The following CTNND2 variants were observed in gnomAD, a reference collection of about 807,000 sequenced individuals.
CTNND2 encodes the protein catenin delta 2.
In CTNND2, 22 loss-of-function variants were observed where a neutral mutation model predicts 144.4. That is an observed-to-expected ratio of 0.15 (90% CI 0.11 to 0.22). The LOEUF (loss-of-function observed/expected upper bound fraction) is 0.22. Among genes scored for constraint, CTNND2 ranks in the 10% least tolerant of loss-of-function variants. The pLI, the probability that CTNND2 is intolerant of heterozygous loss-of-function variation, is 1.00. For missense variants in CTNND2, 1,353 were observed against 1,618.8 expected (o/e 0.84, Z 2.82); for synonymous variants, 751 against 695.6 (o/e 1.08, Z -1.25).
intron 12 of CTNND2, among the ~76,000 whole-genome samples, chr5:11,131,790 A>G (rs1379801689): frequency 2.0e-5 from 3 of 151,138 alleles, no homozygotes; most frequent in African/African-American, 7.3e-5. Context: ...CTGCGTCTCA[A>G]AAAAAAAAAC....
chr5:11,314,270 A>T (rs1010541266), intron 9 of CTNND2, among the ~76,000 whole-genome samples: 1 of 151,980 alleles, frequency 6.6e-6, no homozygotes, highest in Non-Finnish European at 1.5e-5. Context: ...TTCTTTCCTA[A>T]AGTCTGGAAA....
In CTNND2 at chr5:11,477,267, T is replaced by C. The variant is rs185696061; in HGVS notation, c.288-65198A>G. Among the ~76,000 whole-genome samples the C allele has an allele frequency of 5.2e-4, 79 of 152,332 alleles. 1 individual carries two copies. Among genetic ancestry groups the C allele is most frequent in the African/African-American group, 1.8e-3 (73 of 41,574 alleles). On this transcript the variant is annotated intron_variant, in intron 3 of 21. Transcript: ENST00000304623. ...CCTATTCTTAGAAAAGCAACTTTTT[T>C]TGTTTTGTTTTTGTTTTTTTAACAA...
intron 15 of CTNND2, among the ~76,000 whole-genome samples, chr5:11,091,896 G>C (rs2149654252): frequency 6.6e-6 from 1 of 152,280 alleles, no homozygotes; most frequent in South Asian, 2.1e-4. Context: ...GTTCTCTGTT[G>C]AATATTTAAG....
At chr5:11,254,454 T>C (rs1744005569) in intron 9 of CTNND2, among the ~76,000 whole-genome samples, 1 of 152,154 alleles carries the variant, frequency 6.6e-6, no homozygotes, top group Non-Finnish European at 1.5e-5. Flanking sequence ...GTTCCTACCT[T>C]GCACAATAGA....
chr5:11,365,301 G>A (rs1404970217), intron 7 of CTNND2, among the ~76,000 whole-genome samples: 2 of 152,174 alleles, frequency 1.3e-5, no homozygotes, highest in Non-Finnish European at 2.9e-5. Context: ...GAGCCACAAT[G>A]GCAAAGCCAT....
At chr5:11,321,769 G>A (rs750750485) in intron 9 of CTNND2, among the ~76,000 whole-genome samples, 1 of 151,880 alleles carries the variant, frequency 6.6e-6, no homozygotes, top group Admixed American at 6.6e-5. Flanking sequence ...ACACACTAAC[G>A]TAATGAACAT....
intron 1 of CTNND2, among the ~76,000 whole-genome samples, chr5:11,862,003 T>C (rs1270048684): frequency 6.6e-6 from 1 of 152,206 alleles, no homozygotes; most frequent in African/African-American, 2.4e-5. Flanking sequence ...AATGCCCCTA[T>C]CATTTTGTGC....
chr5:11,078,735 G>C (rs777948994), intron 16 of CTNND2, among the ~76,000 whole-genome samples: 5 of 152,058 alleles, frequency 3.3e-5, no homozygotes, highest in Non-Finnish European at 5.9e-5. Flanking sequence ...GGATTTTATT[G>C]GGAATCCCAG....
chr5:11,123,506 C>T (rs927608858), intron 12 of CTNND2, among the ~76,000 whole-genome samples: 2 of 152,222 alleles, frequency 1.3e-5, no homozygotes, highest in Non-Finnish European at 2.9e-5. Context: ...CCACAAGGCA[C>T]ACCAACTGTT....
At chr5:11,439,769 TATC>T (rs1278743142) in intron 3 of CTNND2, among the ~76,000 whole-genome samples, 2 of 151,472 alleles carry the variant, frequency 1.3e-5, no homozygotes, top group African/African-American at 2.4e-5. Context: ...TCTATCTATC[TATC>T]TATCTATCTA....
intron 2 of CTNND2, among the ~76,000 whole-genome samples, chr5:11,584,373 C>G (rs1778664234): frequency 6.8e-6 from 1 of 147,440 alleles, no homozygotes; most frequent in African/African-American, 2.5e-5. Flanking sequence ...GACAGTTGAC[C>G]AACACTTAAA....
intron 8 of CTNND2, among the ~76,000 whole-genome samples, chr5:11,362,823 A>G (rs1424221263): frequency 2.0e-5 from 3 of 152,226 alleles, no homozygotes; most frequent in Non-Finnish European, 2.9e-5. Context: ...TTGGAGCAGG[A>G]GACGACAAAT....
chr5:11,876,503 T>C (rs2127062253), intron 1 of CTNND2, among the ~76,000 whole-genome samples: 1 of 152,258 alleles, frequency 6.6e-6, no homozygotes, highest in African/African-American at 2.4e-5. Flanking sequence ...TATAATCATA[T>C]TCGCAACAAA....
At chr5:11,115,474 G>C (rs1321832165) in intron 13 of CTNND2, among the ~76,000 whole-genome samples, 1 of 152,194 alleles carries the variant, frequency 6.6e-6, no homozygotes, top group Non-Finnish European at 1.5e-5. Flanking sequence ...GCTGAGCATT[G>C]CCGCTTCAGT....
chr5:11,528,789 C>T (rs535420782), intron 3 of CTNND2, among the ~76,000 whole-genome samples: 1 of 152,250 alleles, frequency 6.6e-6, no homozygotes, highest in East Asian at 1.9e-4. Flanking sequence ...CTAGCTCTGA[C>T]AGAAGAAGGC....
In CTNND2 at chr5:11,384,714, C is replaced by T. The variant is rs772002450; in HGVS notation, c.1128G>A (p.Ser376=). 9 of 1,610,868 alleles carry T rather than the reference C, an allele frequency of 5.6e-6. No homozygotes were observed. Among genetic ancestry groups the T allele is most frequent in the Non-Finnish European group, 7.6e-6 (9 of 1,179,314 alleles). Residue 376 remains serine (S), a synonymous_variant, in exon 7 of 22, where the codon TCG becomes TCA. Transcript: ENST00000304623. This position sits in a 1 kb window ranked among gnomAD's most constrained non-coding sequence, Gnocchi z 5.2. Reference sequence around the variant, plus strand: ...GGGTGGCCGTGGCATACAGCTCCTGCGAGTGCTTGCTGTACTGCTCGGACG... The same window carrying T: ...GGGTGGCCGTGGCATACAGCTCCTGTGAGTGCTTGCTGTACTGCTCGGACG... ...VHASEQYSKH[S]QELYATATLQ...
At chr5:11,840,534 G>C (rs1315076884) in intron 1 of CTNND2, among the ~76,000 whole-genome samples, 1 of 152,120 alleles carries the variant, frequency 6.6e-6, no homozygotes, top group Non-Finnish European at 1.5e-5. Context: ...TAAATGGGAA[G>C]ATGCCCATTG....
At chr5:11,301,679 G>A (rs1749624712) in intron 9 of CTNND2, among the ~76,000 whole-genome samples, 1 of 152,116 alleles carries the variant, frequency 6.6e-6, no homozygotes. Context: ...TATAAGGACG[G>A]TTTGCAAGCA....
chr5:11,750,987 A>C (rs1788579527), intron 1 of CTNND2, among the ~76,000 whole-genome samples: 1 of 151,856 alleles, frequency 6.6e-6, no homozygotes. Context: ...GTATGATAAA[A>C]TTAAGATTTC....
Sources: gnomAD v4.1 joint callset for allele counts (sites outside exome capture counted in the v4.1 genomes callset) on GRCh38, gnomAD v4.1.1 for gene constraint, Gnocchi (gnomAD v3.1) non-coding constraint, MANE v1.5 for transcripts, NCBI Gene and HGNC (gene_info 2026-07-23, HGNC 2026-07-21) for gene names.